Variants in RSPO1 observed in about 807,000 individuals in gnomAD.
The protein encoded by RSPO1 is R-spondin 1.
Under a neutral mutation model 26.0 loss-of-function variants are expected in RSPO1, and 18 were observed. The observed-to-expected ratio is 0.69, with a 90% CI of 0.48 to 1.03. The LOEUF is 1.03. RSPO1 is among the 50% of genes least tolerant of loss of function. RSPO1 has a pLI of 0.00. For synonymous variants in RSPO1, 133 were observed against 137.4 expected (o/e 0.97, Z 0.22); for missense variants, 309 against 352.3 (o/e 0.88, Z 0.98).
chr1:37,630,081 T>C, intron 2 of RSPO1, 132 bp from the exon 3 acceptor site: 1 of 600,444 alleles, frequency 1.7e-6, no homozygotes. Context: ...AGCACCTTTC[T>C]AGAAGAAATC....
At chr1:37,629,306 G>A (rs1220055307) in intron 3 of RSPO1, among the ~76,000 whole-genome samples, 1 of 152,258 alleles carries the variant, frequency 6.6e-6, no homozygotes, top group South Asian at 2.1e-4. Context: ...CACAAGAGAG[G>A]GGTTAATCTA....
intron 3 of RSPO1, among the ~76,000 whole-genome samples, chr1:37,621,330 C>A (rs1440962552): frequency 4.6e-5 from 7 of 152,126 alleles, no homozygotes; most frequent in Non-Finnish European, 7.4e-5. Flanking sequence ...AGTCAGGATT[C>A]TATTTTAGAA....
Position 37,612,685 on chromosome 1 carries a change from CAGG to C in RSPO1, c.*67_*69del, listed in dbSNP as rs1295212586. On this transcript the variant is annotated 3_prime_UTR_variant, in exon 7 of 7. Coordinates refer to ENST00000356545, the MANE Select transcript of RSPO1 (RefSeq NM_001242908.2). ...ATGCTTTGCCCCCGACGTTCCAGTT[CAGG>C]AAAGCTTGAATCACGCAGAGTAGCA... The C allele has an allele frequency of 2.6e-6, 4 of 1,550,950 alleles. No homozygotes were observed. The highest frequency in any genetic ancestry group is 3.5e-6 in the Non-Finnish European group (4 of 1,135,296).
chr1:37,625,845 AT>A (rs1297019214), intron 3 of RSPO1, among the ~76,000 whole-genome samples: 1 of 151,994 alleles, frequency 6.6e-6, no homozygotes, highest in Non-Finnish European at 1.5e-5. Context: ...CTCCTGGCTA[AT>A]TTTTGTATTT....
chr1:37,618,037 C>T lies in RSPO1; in HGVS notation c.95-1362G>A, dbSNP rs965614738. ...AATTAAGGGCACTCAGGGAGCAGGA[C>T]CACAGAGGTGTAAAACTAGGGAAAG... On this transcript the variant is annotated intron_variant, in intron 3 of 6. Coordinates refer to ENST00000356545, the MANE Select transcript of RSPO1 (RefSeq NM_001242908.2). Among the ~76,000 whole-genome samples, 4 of 152,182 alleles carry T rather than the reference C, an allele frequency of 2.6e-5. No homozygotes were observed. In the South Asian group the frequency reaches 8.3e-4, roughly 32 times the overall value.
At chr1:37,626,424 C>T (rs114514240) in intron 3 of RSPO1, among the ~76,000 whole-genome samples, 5 of 152,164 alleles carry the variant, frequency 3.3e-5, no homozygotes, top group Non-Finnish European at 2.9e-5. Context: ...CCTAAAGGAA[C>T]ACTCTATGCC....
intron 3 of RSPO1, among the ~76,000 whole-genome samples, chr1:37,624,253 CCT>C (rs1644245632): frequency 6.6e-6 from 1 of 152,080 alleles, no homozygotes; most frequent in South Asian, 2.1e-4. Flanking sequence ...AGATCAAGAC[CCT>C]CTCTCTAAAA....
chr1:37,633,318 G>C (rs1557442653), intron 1 of RSPO1, among the ~76,000 whole-genome samples: 1 of 152,182 alleles, frequency 6.6e-6, no homozygotes. Flanking sequence ...TTGGGGAGTG[G>C]ACCTGCAAAG....
rs1644057644 is a variant in RSPO1 at position 37,613,495 on chromosome 1, C to T, written c.625+209G>A. ...GGAAGGATGTTGACCACAGAAGCTT[C>T]CAGCTTCCACTATGCAGAGTTCTGA... On this transcript the variant is annotated intron_variant, in intron 6 of 6. Transcript: ENST00000356545. This position sits in a 1 kb window ranked among gnomAD's most constrained non-coding sequence, Gnocchi z 4.5. Among the ~76,000 whole-genome samples the T allele has an allele frequency of 6.6e-6, 1 of 152,262 alleles. No individual in the cohort carries two copies. The highest frequency in any genetic ancestry group is 2.4e-5 in the African/African-American group (1 of 41,474).
intron 4 of RSPO1, among the ~76,000 whole-genome samples, chr1:37,615,853 G>T (rs1557430631): frequency 6.6e-6 from 1 of 152,228 alleles, no homozygotes. Flanking sequence ...CCTGGGCTTG[G>T]ATTCCCCTGC....
At chr1:37,614,381 G>A in intron 4 of RSPO1, 48 bp from the exon 5 acceptor site, 1 of 1,609,294 alleles carries the variant, frequency 6.2e-7, no homozygotes, top group African/African-American at 1.3e-5. Flanking sequence ...TGGTGAGAAT[G>A]TTTCCCCTCA....
At position 37,615,873 on chromosome 1, in the gene RSPO1, G is replaced by A. The variant is rs558730415; in HGVS notation, c.286+611C>T. 1.1e-4 allele frequency among the ~76,000 whole-genome samples: 16 copies of A among 152,328 alleles called. No individual in the cohort carries two copies. In the East Asian group the frequency reaches 3.1e-3, roughly 29 times the overall value. On this transcript the variant is annotated intron_variant, in intron 4 of 6. Coordinates refer to ENST00000356545, the MANE Select transcript of RSPO1 (RefSeq NM_001242908.2). ...GCTTGGATTCCCCTGCAGCCCATGT[G>A]GAGCTAGCAGTGGTTTTTAAGCAGA...
intron 3 of RSPO1, among the ~76,000 whole-genome samples, chr1:37,626,067 TC>T (rs971722487): frequency 6.6e-6 from 1 of 151,990 alleles, no homozygotes; most frequent in Admixed American, 6.6e-5. Flanking sequence ...TCAAGCCACC[TC>T]CCCCACCCTC....
chr1:37,631,592 T>G (rs1483607503), intron 2 of RSPO1, among the ~76,000 whole-genome samples: 1 of 152,264 alleles, frequency 6.6e-6, no homozygotes, highest in Non-Finnish European at 1.5e-5. Context: ...ATTTGAATAT[T>G]GGTTCTGCTA....
Position 37,620,036 on chromosome 1 carries a change from A to G in RSPO1, c.95-3361T>C, listed in dbSNP as rs981357407. On this transcript the variant is annotated intron_variant, in intron 3 of 6. Coordinates refer to ENST00000356545, the MANE Select transcript of RSPO1 (RefSeq NM_001242908.2). ...AGTGCTGAGATTACAGGCGTGAGCC[A>G]CCCCTCTTGGCCTATTATGCACATT... 1.1e-4 allele frequency among the ~76,000 whole-genome samples: 17 copies of G among 152,058 alleles called. 1 individual carries two copies. The highest frequency in any genetic ancestry group is 4.1e-4 in the African/African-American group (17 of 41,388).
At chr1:37,632,380 T>C (rs1182720374) in intron 1 of RSPO1, 27 bp from the exon 2 acceptor site, 1 of 152,218 alleles carries the variant, frequency 6.6e-6, no homozygotes, top group African/African-American at 2.4e-5. Context: ...AGGATCCAGA[T>C]GTAAATTTCA....
intron 2 of RSPO1, among the ~76,000 whole-genome samples, chr1:37,631,257 A>G (rs1023150238): frequency 1.1e-4 from 16 of 152,124 alleles, no homozygotes; most frequent in Admixed American, 3.3e-4. Context: ...GACACACTCA[A>G]GTGGTTAAGC....
chr1:37,627,286 C>T (rs918797057), intron 3 of RSPO1, among the ~76,000 whole-genome samples: 1 of 152,144 alleles, frequency 6.6e-6, no homozygotes, highest in Non-Finnish European at 1.5e-5. Flanking sequence ...GGTCTTCCTT[C>T]TTCCCTTCCC....
At chr1:37,632,839 G>A (rs1644379385) in intron 1 of RSPO1, among the ~76,000 whole-genome samples, 2 of 152,220 alleles carry the variant, frequency 1.3e-5, no homozygotes, top group Admixed American at 1.3e-4. Flanking sequence ...ATGGGCTAGG[G>A]CTGAGAGAGG....
Sources: gnomAD v4.1 joint callset for allele counts (sites outside exome capture counted in the v4.1 genomes callset) on GRCh38, gnomAD v4.1.1 for gene constraint, Gnocchi (gnomAD v3.1) non-coding constraint, MANE v1.5 for transcripts, NCBI Gene and HGNC (gene_info 2026-07-23, HGNC 2026-07-21) for gene names.